Variants in COL6A5 observed in about 807,000 individuals in gnomAD.
The protein encoded by COL6A5 is collagen type VI alpha 5 chain.
COL6A5 carries 48 observed loss-of-function variants against 65.6 expected under a neutral mutation model. The observed-to-expected ratio is 0.73, with a 90% CI of 0.58 to 0.93. COL6A5 has a LOEUF of 0.93. COL6A5 is among the 40% of genes least tolerant of loss of function. COL6A5 has a pLI of 0.00. For synonymous variants in COL6A5, 291 were observed against 322.8 expected, an observed-to-expected ratio of 0.90 and a Z score of 1.05; for missense variants, 914 against 928.3, an observed-to-expected ratio of 0.98 and a Z score of 0.20.
intron 6 of COL6A5, among the ~76,000 whole-genome samples, chr3:130,470,357 G>T (rs1254932626): frequency 1.3e-5 from 2 of 151,954 alleles, no homozygotes; most frequent in Admixed American, 6.6e-5. Flanking sequence ...CAAGGTTGCA[G>T]GTTTTCTGGC....
intron 6 of COL6A5, 120 bp from the exon 7 acceptor site, chr3:130,391,059 T>G: frequency 4.2e-6 from 3 of 711,068 alleles, no homozygotes; most frequent in Non-Finnish European, 7.1e-6. Context: ...AAGAACTAAG[T>G]GAGATATAGT....
In COL6A5 at chr3:130,410,530, T is replaced by C. The variant is rs1386820798; in HGVS notation, c.4662+6T>C. 6.5e-7 allele frequency: 1 copy of C among 1,549,394 alleles called. No individual in the cohort carries two copies. The highest frequency in any genetic ancestry group is 1.4e-5 in the African/African-American group (1 of 72,982). ...CTAGTTCCAGAGGCAGCAGGGTAAG[T>C]ATTTCTGTGGACATTTATTTCCCCT... On this transcript the variant is annotated splice_donor_region_variant and intron_variant and NMD_transcript_variant, in intron 20 of 41. Coordinates refer to the COL6A5 transcript ENST00000312481.
chr3:130,380,494 C>T (rs1311011055), intron 4 of COL6A5, among the ~76,000 whole-genome samples: 1 of 152,018 alleles, frequency 6.6e-6, no homozygotes, highest in African/African-American at 2.4e-5. Flanking sequence ...TTCATGCACA[C>T]ATAGACAAAT....
intron 1 of COL6A5, among the ~76,000 whole-genome samples, chr3:130,437,619 C>T (rs926641520): frequency 6.6e-6 from 1 of 152,070 alleles, no homozygotes; most frequent in African/African-American, 2.4e-5. Flanking sequence ...CACCCAATCC[C>T]TCTTAGTAAC....
chr3:130,388,201 T>C (rs1936265755), intron 5 of COL6A5, among the ~76,000 whole-genome samples: 1 of 152,138 alleles, frequency 6.6e-6, no homozygotes, highest in Non-Finnish European at 1.5e-5. Flanking sequence ...GTGTTAGTAC[T>C]ATGAGTGCAA....
At chr3:130,479,380 A>G (rs1231340339) in intron 7 of COL6A5, among the ~76,000 whole-genome samples, 2 of 152,056 alleles carry the variant, frequency 1.3e-5, no homozygotes, top group African/African-American at 4.8e-5. Context: ...ATAGCAGCCT[A>G]AATGGACTAA....
chr3:130,462,569 G>A (rs1709725651), intron 5 of COL6A5, among the ~76,000 whole-genome samples: 1 of 152,090 alleles, frequency 6.6e-6, no homozygotes, highest in South Asian at 2.1e-4. Context: ...AACCTTGTAA[G>A]ATTGTAGTAT....
chr3:130,453,312 A>C (rs1325735601), intron 4 of COL6A5, among the ~76,000 whole-genome samples: 1 of 152,152 alleles, frequency 6.6e-6, no homozygotes, highest in Non-Finnish European at 1.5e-5. Flanking sequence ...AATTTGGGGA[A>C]CTAATAAATG....
chr3:130,463,502 C>T (rs1709747419), intron 5 of COL6A5, among the ~76,000 whole-genome samples: 1 of 152,040 alleles, frequency 6.6e-6, no homozygotes, highest in South Asian at 2.1e-4. Flanking sequence ...GTTACTGGAG[C>T]ACATTTGGTG....
chr3:130,362,316 ATATATATATATTTTTTTTTT>A (rs1269144279), intron 1 of COL6A5, among the ~76,000 whole-genome samples: 81 of 16,406 alleles, frequency 4.9e-3, no homozygotes, highest in African/African-American at 0.016. Context: ...ATATATATAT[ATATATATATATTTTTTTTTT>A]TTTTTTTTTT....
exon 3 of COL6A5, chr3:130,376,330 A>G (rs2107637532): frequency 6.2e-7 from 1 of 1,613,766 alleles, no homozygotes; most frequent in Non-Finnish European, 8.5e-7. Flanking sequence ...ACGTTCATCA[A>G]CAAAATGATC....
At chr3:130,385,065 C>A in exon 5 of COL6A5, 1 of 1,550,878 alleles carries the variant, frequency 6.4e-7, no homozygotes, top group Non-Finnish European at 8.7e-7. Flanking sequence ...GGAACTTATA[C>A]TGGGAAAGCT....
At chr3:130,366,444 G>A (rs937282700) in intron 1 of COL6A5, among the ~76,000 whole-genome samples, 3 of 152,096 alleles carry the variant, frequency 2.0e-5, no homozygotes, top group African/African-American at 7.2e-5. Context: ...CTTTCGTTGA[G>A]CCCATGTTCC....
At chr3:130,383,546 C>G (rs1489176622) in intron 4 of COL6A5, among the ~76,000 whole-genome samples, 2 of 152,022 alleles carry the variant, frequency 1.3e-5, no homozygotes, top group Non-Finnish European at 2.9e-5. Flanking sequence ...CAGATAACCG[C>G]TTATCTTTGC....
intron 2 of COL6A5, among the ~76,000 whole-genome samples, chr3:130,374,233 A>G (rs998556788): frequency 2.6e-5 from 4 of 152,186 alleles, no homozygotes; most frequent in Non-Finnish European, 5.9e-5. Flanking sequence ...TTATACCTAG[A>G]TGGTGTAGCC....
intron 5 of COL6A5, among the ~76,000 whole-genome samples, chr3:130,466,475 T>A (rs1023265918): frequency 6.6e-6 from 1 of 151,938 alleles, no homozygotes; most frequent in Non-Finnish European, 1.5e-5. Flanking sequence ...TAAGCAGTAC[T>A]TACGGGAAAA....
chr3:130,370,406 T>C (rs1038906514), intron 1 of COL6A5, among the ~76,000 whole-genome samples: 10 of 152,138 alleles, frequency 6.6e-5, no homozygotes, highest in Non-Finnish European at 1.2e-4. Flanking sequence ...CCTGAATAAC[T>C]ACAGGGCTGG....
intron 4 of COL6A5, 21 bp downstream of exon 36, chr3:130,443,587 A>G: frequency 6.7e-7 from 1 of 1,500,566 alleles, no homozygotes; most frequent in Non-Finnish European, 9.3e-7. Context: ...AAGCTCTTAT[A>G]TTTACAAGTG....
intron 1 of COL6A5, among the ~76,000 whole-genome samples, chr3:130,356,185 T>A (rs972168071): frequency 2.6e-5 from 4 of 152,128 alleles, no homozygotes; most frequent in African/African-American, 9.7e-5. Context: ...AGTCAGATAA[T>A]CATGGTAAAC....
Sources: gnomAD v4.1 joint callset for allele counts (sites outside exome capture counted in the v4.1 genomes callset) on GRCh38, gnomAD v4.1.1 for gene constraint, MANE v1.5 for transcripts, NCBI Gene and HGNC (gene_info 2026-07-23, HGNC 2026-07-21) for gene names.